Variants in STXBP4 observed in about 807,000 individuals in gnomAD.
STXBP4 encodes syntaxin binding protein 4.
STXBP4 carries 55 observed loss-of-function variants against 76.1 expected under a neutral mutation model. The observed-to-expected ratio is 0.72, with a 90% confidence interval of 0.58 to 0.91. The LOEUF (loss-of-function observed/expected upper bound fraction) is 0.91, where lower values mean the gene tolerates loss of function less well. Among genes scored for constraint, STXBP4 ranks in the 40% least tolerant of loss-of-function variants. The pLI, the probability that STXBP4 is intolerant of heterozygous loss-of-function variation, is 0.00. For synonymous variants in STXBP4, 201 were observed against 220.2 expected (o/e 0.91, Z 0.77); for missense variants, 618 against 636.9 (o/e 0.97, Z 0.32).
At chr17:55,031,650 T>C (rs1198014395) in intron 9 of STXBP4, among the ~76,000 whole-genome samples, 1 of 152,180 alleles carries the variant, frequency 6.6e-6, no homozygotes, top group Admixed American at 6.5e-5. Context: ...ATTTTTATGA[T>C]GCTACCTAAT....
intron 11 of STXBP4, chr17:55,043,628 A>G (rs759351560): frequency 4.6e-5 from 72 of 1,549,722 alleles, no homozygotes; most frequent in Admixed American, 1.6e-4. Flanking sequence ...GGGCAGAATT[A>G]GATGAAGAGC....
At chr17:55,075,922 TTCC>T (rs2079176634) in intron 13 of STXBP4, among the ~76,000 whole-genome samples, 1 of 152,250 alleles carries the variant, frequency 6.6e-6, no homozygotes, top group African/African-American at 2.4e-5. Context: ...AAACCAAGGT[TTCC>T]TCCTCCCTGG....
intron 17 of STXBP4, among the ~76,000 whole-genome samples, chr17:55,157,587 T>G (rs2080293894): frequency 6.6e-6 from 1 of 152,362 alleles, no homozygotes. Context: ...GCTGTGAAGA[T>G]GCCTGGGCCT....
the STXBP4 span, among the ~76,000 whole-genome samples, chr17:55,184,610 A>G: frequency 1.3e-5 from 2 of 152,244 alleles, no homozygotes; most frequent in Admixed American, 1.3e-4. Flanking sequence ...TCAGAAAAAT[A>G]TAAGCTGAGG....
chr17:55,186,680 A>C, the STXBP4 span, among the ~76,000 whole-genome samples: 1 of 152,222 alleles, frequency 6.6e-6, no homozygotes, highest in Non-Finnish European at 1.5e-5. Flanking sequence ...GATGTGGTGC[A>C]TGGTCTTTGG....
intron 15 of STXBP4, 55 bp from the exon 16 acceptor site, chr17:55,080,995 A>T: frequency 6.8e-6 from 9 of 1,327,524 alleles, no homozygotes; most frequent in Non-Finnish European, 8.8e-6. Flanking sequence ...GATTTAGTAA[A>T]GATAGATGTT....
At chr17:55,066,945 G>T (rs1286610380) in intron 12 of STXBP4, among the ~76,000 whole-genome samples, 1 of 152,162 alleles carries the variant, frequency 6.6e-6, no homozygotes, top group Non-Finnish European at 1.5e-5. Context: ...CATAGTTTAT[G>T]ATTGTTATTT....
chr17:55,109,728 C>T (rs995606705), intron 16 of STXBP4, among the ~76,000 whole-genome samples: 2 of 149,786 alleles, frequency 1.3e-5, no homozygotes, highest in Non-Finnish European at 3.0e-5. Context: ...CTCCTGGGTT[C>T]AAGCAATTCT....
At chr17:55,037,491 TA>T (rs113577882) in intron 10 of STXBP4, among the ~76,000 whole-genome samples, 30,970 of 149,818 alleles carry the variant, frequency 0.21, 3,340 homozygotes, top group Middle Eastern at 0.32. Context: ...TTGTTGGGAT[TA>T]AAAAAAAAAT....
intron 8 of STXBP4, among the ~76,000 whole-genome samples, chr17:55,013,689 C>T (rs2078152443): frequency 6.6e-6 from 1 of 152,198 alleles, no homozygotes; most frequent in Non-Finnish European, 1.5e-5. Flanking sequence ...GGTTTCTGAA[C>T]AGGCAGCTAA....
At chr17:55,039,876 A>G (rs1043988651) in intron 10 of STXBP4, among the ~76,000 whole-genome samples, 5 of 152,170 alleles carry the variant, frequency 3.3e-5, no homozygotes, top group African/African-American at 1.2e-4. Context: ...AGAGAGATTT[A>G]AGAAGCTGGC....
At chr17:55,106,081 G>A (rs1260261197) in intron 16 of STXBP4, among the ~76,000 whole-genome samples, 1 of 152,110 alleles carries the variant, frequency 6.6e-6, no homozygotes, top group Non-Finnish European at 1.5e-5. Context: ...CTGTTATTGT[G>A]TGGGAGTCTA....
chr17:55,071,883 G>GA (rs2079124108), intron 12 of STXBP4, among the ~76,000 whole-genome samples: 2 of 152,114 alleles, frequency 1.3e-5, no homozygotes, highest in South Asian at 4.1e-4. Flanking sequence ...CTATCGCAGA[G>GA]AAAAGAGATT....
the STXBP4 span, among the ~76,000 whole-genome samples, chr17:55,186,672 T>C: frequency 6.6e-6 from 1 of 152,210 alleles, no homozygotes; most frequent in Non-Finnish European, 1.5e-5. Flanking sequence ...TTATCTGTGA[T>C]GTGGTGCATG....
chr17:55,091,852 T>C (rs1328954788), intron 16 of STXBP4, among the ~76,000 whole-genome samples: 1 of 152,218 alleles, frequency 6.6e-6, no homozygotes, highest in Non-Finnish European at 1.5e-5. Flanking sequence ...TTACAAATAT[T>C]CTATAAAAGC....
chr17:55,208,730 A>T, the STXBP4 span, among the ~76,000 whole-genome samples: 13 of 152,182 alleles, frequency 8.5e-5, no homozygotes, highest in African/African-American at 3.1e-4. Flanking sequence ...GAATCTTGAA[A>T]ATAAAACAGA....
intron 16 of STXBP4, among the ~76,000 whole-genome samples, chr17:55,138,067 G>A (rs2080055224): frequency 6.6e-6 from 1 of 151,856 alleles, no homozygotes; most frequent in Admixed American, 6.6e-5. Context: ...TCTTATTATC[G>A]ATTTGTAGGA....
intron 16 of STXBP4, among the ~76,000 whole-genome samples, chr17:55,082,070 C>T (rs1165796307): frequency 6.6e-6 from 1 of 152,080 alleles, no homozygotes; most frequent in African/African-American, 2.4e-5. Flanking sequence ...TAAAAATCAA[C>T]AATGTGCTAA....
At chr17:55,192,881 CT>C in the STXBP4 span, among the ~76,000 whole-genome samples, 1 of 152,150 alleles carries the variant, frequency 6.6e-6, no homozygotes, top group Non-Finnish European at 1.5e-5. Context: ...AGAGGAGCCT[CT>C]CTGATGAGGA....
Sources: allele counts gnomAD v4.1 joint callset (sites outside exome capture counted in the v4.1 genomes callset), GRCh38; gene constraint gnomAD v4.1.1; transcripts MANE v1.5; gene names NCBI Gene and HGNC (gene_info 2026-07-23, HGNC 2026-07-21).